The following ST18 variants were observed in gnomAD, a reference collection of about 807,000 sequenced individuals.
ST18 encodes suppression of tumorigenicity 18 protein.
A neutral mutation model predicts 110.0 loss-of-function variants in ST18; 50 were observed. The ratio of observed to expected loss-of-function variants is 0.45; its 90% confidence interval spans 0.36 to 0.58. ST18 has a LOEUF of 0.58. Among genes scored for constraint, ST18 ranks in the 20% least tolerant of loss-of-function variants. ST18 has a pLI of 0.00. For synonymous variants in ST18, 461 were observed against 452.4 expected (o/e 1.02, Z -0.24); for missense variants, 1,306 against 1,280.1 (o/e 1.02, Z -0.31).
chr8:52,332,330 T>C (rs1004942687), intron 2 of ST18, among the ~76,000 whole-genome samples: 1 of 152,080 alleles, frequency 6.6e-6, no homozygotes, highest in Non-Finnish European at 1.5e-5. Flanking sequence ...TTCTAAGAAC[T>C]ATGATCACAA....
intron 2 of ST18, chr8:52,301,830 C>G (rs1220707958): frequency 6.6e-6 from 1 of 151,968 alleles, no homozygotes; most frequent in Admixed American, 6.5e-5. Flanking sequence ...TTTTTTTCCT[C>G]ATTTCTTTCC....
intron 9 of ST18, among the ~76,000 whole-genome samples, chr8:52,174,696 C>T (rs546001829): frequency 3.5e-4 from 54 of 152,302 alleles, no homozygotes; most frequent in African/African-American, 1.3e-3. Flanking sequence ...TTTGGTTCAA[C>T]TGTTTGTTAT....
chr8:52,132,129 G>A lies in ST18; in HGVS notation c.2495C>T (p.Thr832Ile). The A allele has an allele frequency of 6.2e-7, 1 of 1,614,060 alleles. No homozygotes were observed. Among genetic ancestry groups the A allele is most frequent in the Non-Finnish European group, 8.5e-7 (1 of 1,180,036 alleles). Reference sequence around the variant, plus strand: ...ACAGCCAGAAGCTGTGCGGTGTGATGTGTATTTACCTGATATGTGACCTTG... The same window carrying A: ...ACAGCCAGAAGCTGTGCGGTGTGATATGTATTTACCTGATATGTGACCTTG... The part of the protein sequence containing the change: ...DGQGHISGKY[T>I]SHRTASGCPL... The change falls in exon 22 of 26, where the codon ACA becomes ATA. Residue 832 changes from threonine to isoleucine, a missense_variant. Physicochemically the swap from Thr to Ile is moderately conservative, Grantham distance 89. Coordinates refer to ENST00000689386, the MANE Select transcript of ST18 (RefSeq NM_001352837.2).
intron 9 of ST18, among the ~76,000 whole-genome samples, chr8:52,177,188 A>G (rs2067256716): frequency 6.6e-6 from 1 of 152,112 alleles, no homozygotes; most frequent in Admixed American, 6.5e-5. Context: ...TTCTGGTAGT[A>G]CTTTGCAAGC....
chr8:52,276,556 C>A lies in ST18; in HGVS notation c.-464-46479G>T, dbSNP rs528286967. Reference sequence around the variant, plus strand: ...TATGTTGTGTGGCAGGAGGCAAACACCTTGCCTCAGTGAGGACTCAGTCCC... The same window carrying A: ...TATGTTGTGTGGCAGGAGGCAAACAACTTGCCTCAGTGAGGACTCAGTCCC... On this transcript the variant is annotated intron_variant, in intron 2 of 25. Coordinates refer to ENST00000689386, the MANE Select transcript of ST18 (RefSeq NM_001352837.2). Among the ~76,000 whole-genome samples the A allele has an allele frequency of 5.3e-5, 8 of 152,214 alleles. No homozygotes were observed. The East Asian group carries it at 1.4e-3, about 26-fold the overall frequency.
intron 2 of ST18, among the ~76,000 whole-genome samples, chr8:52,231,384 A>G (rs1454873392): frequency 6.6e-6 from 1 of 152,154 alleles, no homozygotes; most frequent in Non-Finnish European, 1.5e-5. Flanking sequence ...AATGCCTCTG[A>G]GTAAAGGATA....
In ST18 at chr8:52,212,994, G is replaced by A. The variant is rs1036765144; in HGVS notation, c.56-885C>T. Among the ~76,000 whole-genome samples, 3 of 152,166 alleles carry A rather than the reference G, an allele frequency of 2.0e-5. No individual in the cohort carries two copies. In the East Asian group the frequency reaches 5.8e-4, roughly 29 times the overall value. ...CAGGCATAAGCTTATTCCAAATAGTGAGACAAACTGCTTTTCTTAAGCTGG... is the reference window on the plus strand; with the variant it reads ...CAGGCATAAGCTTATTCCAAATAGTAAGACAAACTGCTTTTCTTAAGCTGG... On this transcript the variant is annotated intron_variant, in intron 7 of 25. Coordinates refer to ENST00000689386, the MANE Select transcript of ST18 (RefSeq NM_001352837.2).
At chr8:52,223,774 A>G (rs971706963) in intron 3 of ST18, among the ~76,000 whole-genome samples, 3 of 152,198 alleles carry the variant, frequency 2.0e-5, no homozygotes, top group African/African-American at 7.2e-5. Flanking sequence ...TGTAGCACTC[A>G]TAACCCTGTG....
intron 9 of ST18, among the ~76,000 whole-genome samples, chr8:52,178,850 G>T (rs532667398): frequency 1.3e-5 from 2 of 151,782 alleles, no homozygotes; most frequent in South Asian, 4.2e-4. Flanking sequence ...ATACAACTTT[G>T]TTTTAAGCGC....
intron 2 of ST18, among the ~76,000 whole-genome samples, chr8:52,232,110 T>C (rs141950553): frequency 0.013 from 2,036 of 152,310 alleles, 21 homozygotes; most frequent in Middle Eastern, 0.044. Flanking sequence ...TATACCCACA[T>C]AGAGCAGAAG....
intron 8 of ST18, among the ~76,000 whole-genome samples, chr8:52,198,742 A>C (rs1401725324): frequency 6.6e-6 from 1 of 152,216 alleles, no homozygotes; most frequent in Non-Finnish European, 1.5e-5. Flanking sequence ...TTCCGCAGCC[A>C]AGTGTCCTAT....
chr8:52,262,180 C>A (rs1408717914), intron 2 of ST18, among the ~76,000 whole-genome samples: 4 of 152,176 alleles, frequency 2.6e-5, no homozygotes, highest in Non-Finnish European at 2.9e-5. Context: ...GAGAACTAAT[C>A]CACTCTTGCA....
chr8:52,279,937 G>A (rs952689473), intron 2 of ST18, among the ~76,000 whole-genome samples: 2 of 152,156 alleles, frequency 1.3e-5, no homozygotes, highest in Admixed American at 6.5e-5. Flanking sequence ...GATTGGAGAG[G>A]AGGGTTACTA....
At chr8:52,356,710 G>A (rs1057317390) in intron 2 of ST18, among the ~76,000 whole-genome samples, 29 of 152,034 alleles carry the variant, frequency 1.9e-4, no homozygotes, top group South Asian at 2.1e-4. Flanking sequence ...AGAGTTGAAG[G>A]AAACCATAGA....
At chr8:52,388,265 C>T (rs73679086) in intron 2 of ST18, among the ~76,000 whole-genome samples, 2 of 151,938 alleles carry the variant, frequency 1.3e-5, no homozygotes, top group Non-Finnish European at 2.9e-5. Context: ...AACGCCAGCG[C>T]GCTCCGAGCA....
At chr8:52,126,641 C>A (rs1420323478) in intron 22 of ST18, among the ~76,000 whole-genome samples, 1 of 152,190 alleles carries the variant, frequency 6.6e-6, no homozygotes, top group Non-Finnish European at 1.5e-5. Context: ...CTACCCCACG[C>A]CCCCATGGCA....
chr8:52,264,600 C>A (rs958648322), intron 2 of ST18, among the ~76,000 whole-genome samples: 1 of 152,172 alleles, frequency 6.6e-6, no homozygotes. Context: ...TGAAACCTGA[C>A]TTTTGTCCTC....
rs186457472 is a variant in ST18 at position 52,377,726 on chromosome 8, A to G, written c.-465+31602T>C. On this transcript the variant is annotated intron_variant, in intron 2 of 25. Transcript: ENST00000689386. ...CAAATACTGCAAATAGAACTATGAT[A>G]TGATCCAGCAATCCCACTGCTGGAT... Among the ~76,000 whole-genome samples the G allele has an allele frequency of 3.3e-5, 5 of 152,324 alleles. No individual in the cohort carries two copies. The East Asian group carries it at 9.6e-4, about 29-fold the overall frequency.
At chr8:52,170,911 C>T (rs2064712357) in intron 10 of ST18, among the ~76,000 whole-genome samples, 1 of 152,198 alleles carries the variant, frequency 6.6e-6, no homozygotes, top group African/African-American at 2.4e-5. Context: ...CTCAACCACA[C>T]TAACATGTTA....
Sources: gnomAD v4.1 joint callset for allele counts (sites outside exome capture counted in the v4.1 genomes callset) on GRCh38, gnomAD v4.1.1 for gene constraint, MANE v1.5 for transcripts, NCBI Gene and HGNC (gene_info 2026-07-23, HGNC 2026-07-21) for gene names.